COMP: variants seen among roughly 807,000 people sequenced by gnomAD.
The protein encoded by COMP is cartilage oligomeric matrix protein.
A neutral mutation model predicts 95.8 loss-of-function variants in COMP; 79 were observed. The observed-to-expected ratio is 0.82, with a 90% CI of 0.69 to 0.99. The LOEUF is 0.99. Among genes scored for constraint, COMP ranks in the 50% least tolerant of loss-of-function variants. The pLI is 0.00. For missense variants in COMP, 906 were observed against 1,076.1 expected, an observed-to-expected ratio of 0.84 and a Z score of 2.21; for synonymous variants, 438 against 433.9, an observed-to-expected ratio of 1.01 and a Z score of -0.12.
chr19:18,789,595 G>A lies in COMP; in HGVS notation c.391-298C>T, dbSNP rs2055195804. 6.6e-6 allele frequency among the ~76,000 whole-genome samples: 1 copy of A among 151,826 alleles called. No homozygotes were observed. Among genetic ancestry groups the A allele is most frequent in the Non-Finnish European group, 1.5e-5 (1 of 67,958 alleles). ...GCGTGCGTGCCCGGCGGTGGCGGGG[G>A]GTCTGGGCGTGCGTTCCCTGGCTGT... On this transcript the variant is annotated intron_variant, in intron 4 of 18. Transcript: ENST00000222271. The surrounding 1 kb of genome is among the most constrained non-coding windows in gnomAD (Gnocchi z 6.1).
rs546526509 is a variant in COMP, at chr19:18,787,654, G to A, written c.976-4C>T. 1.2e-6 allele frequency: 2 copies of A among 1,613,634 alleles called. No homozygotes were observed. The highest frequency in any genetic ancestry group is 2.2e-5 in the East Asian group (1 of 44,870). ...TCCGCACCAGCGGGCAGTTGTCCTGGATGACAGGGTGGGTTAAGGGTGAGA... is the reference window on the plus strand; with the variant it reads ...TCCGCACCAGCGGGCAGTTGTCCTGAATGACAGGGTGGGTTAAGGGTGAGA... On this transcript the variant is annotated splice_region_variant and splice_polypyrimidine_tract_variant and intron_variant, in intron 9 of 18. Transcript: ENST00000222271.
intron 15 of COMP, 140 bp from the exon 16 acceptor site, chr19:18,785,232 AGCCACGCCCCCCATCTACCATTG>A: frequency 1.0e-6 from 1 of 953,958 alleles, no homozygotes; most frequent in East Asian, 2.6e-5. Context: ...GCCCGGACTC[AGCCACGCCCCCCATCTACCATTG>A]GCCACGCCCC....
rs2055194649 is a variant in COMP, at chr19:18,789,501, TC to T, written c.391-205del. 6.6e-6 allele frequency among the ~76,000 whole-genome samples: 1 copy of T among 151,548 alleles called. No individual in the cohort carries two copies. Among genetic ancestry groups the T allele is most frequent in the African/African-American group, 2.4e-5 (1 of 41,192 alleles). On this transcript the variant is annotated intron_variant, in intron 4 of 18. Transcript: ENST00000222271. The surrounding 1 kb of genome is among the most constrained non-coding windows in gnomAD (Gnocchi z 6.1). The stretch of plus-strand genomic sequence containing the variant: ...AACCGGGAGAGGAGAGGAGAGCTGT[TC>T]CCTCATGGGCGAGGGGAGGAAGGAT...
In COMP at chr19:18,782,904, C is replaced by T. The variant is rs775030797; in HGVS notation, c.*11G>A. 4 of 1,610,766 alleles carry T rather than the reference C, an allele frequency of 2.5e-6. No homozygotes were observed. The highest frequency in any genetic ancestry group is 1.3e-5 in the African/African-American group (1 of 74,886). ...GGGTGGCTGTCATCCGGCGGGTCCTCACCCTGGTCCCTAGGCTTGCCGCAG... is the reference window on the plus strand; with the variant it reads ...GGGTGGCTGTCATCCGGCGGGTCCTTACCCTGGTCCCTAGGCTTGCCGCAG... On this transcript the variant is annotated 3_prime_UTR_variant, in exon 19 of 19. Coordinates refer to ENST00000222271, the MANE Select transcript of COMP (RefSeq NM_000095.3).
Position 18,785,425 on chromosome 19 carries a change from G to C in COMP, c.1717+73C>G, listed in dbSNP as rs574375960. On this transcript the variant is annotated intron_variant, in intron 15 of 18. Coordinates refer to ENST00000222271, the MANE Select transcript of COMP (RefSeq NM_000095.3). ...TTCTGGCCCCGCCCATTCTCAGCCC[G>C]GGCCTGCCCCTTCTCTGGCCCCTCT... 8.8e-6 allele frequency: 12 copies of C among 1,366,772 alleles called. No homozygotes were observed. In the South Asian group the frequency reaches 1.4e-4, roughly 16 times the overall value. 84.7% of individuals were successfully genotyped at this position (1,366,772 alleles called of 1,614,324 possible).
chr19:18,785,547 C>T lies in COMP; in HGVS notation c.1669-1G>A. The T allele has an allele frequency of 6.2e-7, 1 of 1,614,076 alleles. No homozygotes were observed. Among genetic ancestry groups the T allele is most frequent in the South Asian group, 1.1e-5 (1 of 91,082 alleles). ...TCATTGTCTGCACGATCTCCCTTCC[C>T]TGATGGGGTCAAAGAAAGGAGGGCC... On this transcript the variant is annotated splice_acceptor_variant, in intron 14 of 18. Coordinates refer to ENST00000222271, the MANE Select transcript of COMP (RefSeq NM_000095.3). LOFTEE classifies it high-confidence loss of function.
chr19:18,790,057 G>A lies in COMP; in HGVS notation c.275C>T (p.Ala92Val), dbSNP rs752108052. The A allele has an allele frequency of 1.3e-6, 2 of 1,555,550 alleles. No individual in the cohort carries two copies. The highest frequency in any genetic ancestry group is 8.7e-7 in the Non-Finnish European group (1 of 1,155,780). ...LPSVRPLLHC[A>V]PGFCFPGVAC... ...CACGCCGGGGAAGCAGAAGCCGGGC[G>A]CGCAGTGGAGCAGGGGCCGCACGCT... The change falls in exon 4 of 19, where the codon GCG becomes GTG. Residue 92 changes from alanine to valine, a missense_variant. Ala to Val is a moderately conservative substitution (Grantham distance 64, BLOSUM62 0). Coordinates refer to ENST00000222271, the MANE Select transcript of COMP (RefSeq NM_000095.3).
In COMP at chr19:18,784,409, G is replaced by A. The variant is rs762976780; in HGVS notation, c.1915-46C>T. 1.9e-6 allele frequency: 3 copies of A among 1,609,438 alleles called. No individual in the cohort carries two copies. Among genetic ancestry groups the A allele is most frequent in the Admixed American group, 3.3e-5 (2 of 59,956 alleles). On this transcript the variant is annotated intron_variant, in intron 16 of 18. Transcript: ENST00000222271. The surrounding 1 kb of genome is among the most constrained non-coding windows in gnomAD (Gnocchi z 4.9). ...TGGTCAGAGACCTCGTGGGCCACCGGAGCCCCCCTAGACACCTTCCTGGAG... is the reference window on the plus strand; with the variant it reads ...TGGTCAGAGACCTCGTGGGCCACCGAAGCCCCCCTAGACACCTTCCTGGAG...
chr19:18,790,828 G>GC lies in COMP; in HGVS notation c.165+21dup, dbSNP rs1011411209. ...CCCCTTCCGTTCCCTGGCACTCCCT[G>GC]CCCCGCACCCGGGCCCCGCACCTGC... On this transcript the variant is annotated intron_variant, in intron 2 of 18. Transcript: ENST00000222271. The GC allele has an allele frequency of 3.2e-6, 5 of 1,554,112 alleles. No individual in the cohort carries two copies. The Admixed American group carries it at 7.7e-5, about 24-fold the overall frequency.
At chr19:18,785,174 C>G (rs2055155864) in intron 15 of COMP, 82 bp from the exon 16 acceptor site, 1 of 1,359,698 alleles carries the variant, frequency 7.4e-7, no homozygotes, top group Non-Finnish European at 1.0e-6. Flanking sequence ...CAAACCTGCC[C>G]CCTGGGTCCC....
At chr19:18,786,762 G>GTTT (rs1264257065) in intron 10 of COMP, 112 bp from the exon 11 acceptor site, 13 of 289,900 alleles carry the variant, frequency 4.5e-5, no homozygotes, top group African/African-American at 4.1e-4. Flanking sequence ...CTTCATGGAA[G>GTTT]CTTTTTTTTT....
chr19:18,782,775 C>T lies in COMP; in HGVS notation c.*140G>A, dbSNP rs2055132719. On this transcript the variant is annotated 3_prime_UTR_variant, in exon 19 of 19. Transcript: ENST00000222271. ...GCAGCAAAAACCACAGCCGCCACTC[C>T]CTGCACACACACTTTATTTTGTCCT... The T allele has an allele frequency of 4.0e-6, 4 of 995,156 alleles. No individual in the cohort carries two copies. Among genetic ancestry groups the T allele is most frequent in the Non-Finnish European group, 6.1e-6 (4 of 656,282 alleles). 61.6% of individuals were successfully genotyped at this position (995,156 alleles called of 1,614,324 possible).
rs769013752 is a variant in COMP, at chr19:18,788,390, C to G, written c.867+20G>C. On this transcript the variant is annotated intron_variant, in intron 8 of 18. Transcript: ENST00000222271. This position sits in a 1 kb window ranked among gnomAD's most constrained non-coding sequence, Gnocchi z 4.7. ...CGCCCTCCCTCCTGCCCAAGCCCGC[C>G]CCGCTCCGCCCCCACCCACCTTACG... The G allele has an allele frequency of 8.2e-6, 13 of 1,589,334 alleles. No individual in the cohort carries two copies. The African/African-American group carries it at 1.7e-4, about 21-fold the overall frequency.
rs369897902 is a variant in COMP, at chr19:18,788,509, G to T, written c.768C>A (p.Ala256=). 3.7e-6 allele frequency: 6 copies of T among 1,602,202 alleles called. No individual in the cohort carries two copies. The East Asian group carries it at 1.4e-4, about 36-fold the overall frequency. The change falls in exon 8 of 19, where the codon GCC becomes GCA. Residue 256 remains alanine (A), a synonymous_variant. Transcript: ENST00000222271. The surrounding 1 kb of genome is among the most constrained non-coding windows in gnomAD (Gnocchi z 4.7). ...GGATCCCGTTGCCGGCCCAGCCAACGGCACACTGTGGGAGAGTGTAAGTGG... is the reference window on the plus strand; with the variant it reads ...GGATCCCGTTGCCGGCCCAGCCAACTGCACACTGTGGGAGAGTGTAAGTGG... ...ERDGSRSCVC[A]VGWAGNGILC...
rs1453867780 is a variant in COMP, at chr19:18,789,706, C to T, written c.390+236G>A. On this transcript the variant is annotated intron_variant, in intron 4 of 18. Transcript: ENST00000222271. This position sits in a 1 kb window ranked among gnomAD's most constrained non-coding sequence, Gnocchi z 6.1. ...CCTGGCGGTGAGGGAGTCGTCGGGG[C>T]GGGCGTCACTAGCTATGTAGGGGGT... is the stretch of plus-strand genomic sequence containing the variant. Among the ~76,000 whole-genome samples, 1 of 145,978 alleles carries T rather than the reference C, an allele frequency of 6.9e-6. No homozygotes were observed. The highest frequency in any genetic ancestry group is 2.6e-5 in the African/African-American group (1 of 38,696).
chr19:18,784,239 T>C lies in COMP; in HGVS notation c.2039A>G (p.Lys680Arg). ...DPRNVGWKDK[K>R]SYRWFLQHRP... The stretch of plus-strand genomic sequence containing the variant: ...GTGCTGCAGGAACCAACGATAGGAC[T>C]TCTTGTCCTTCCAACCCACGTTTCG... The change falls in exon 17 of 19, where the codon AAG (lysine) becomes AGG (arginine). Residue 680 changes from lysine to arginine, a missense_variant. By Grantham distance (26) the Lys-to-Arg change is conservative (BLOSUM62 2). Transcript: ENST00000222271. This position sits in a 1 kb window ranked among gnomAD's most constrained non-coding sequence, Gnocchi z 4.9. The C allele has an allele frequency of 1.2e-6, 2 of 1,614,060 alleles. No individual in the cohort carries two copies. The highest frequency in any genetic ancestry group is 1.7e-6 in the Non-Finnish European group (2 of 1,180,016).
chr19:18,790,897 C>T lies in COMP; in HGVS notation c.118G>A (p.Glu40Lys), dbSNP rs773766773. 1 of 1,571,092 alleles carries T rather than the reference C, an allele frequency of 6.4e-7. No individual in the cohort carries two copies. Among genetic ancestry groups the T allele is most frequent in the South Asian group, 1.2e-5 (1 of 86,270 alleles). Residue 40 changes from glutamate to lysine, a missense_variant, in exon 2 of 19, where the codon GAA becomes AAA. Physicochemically the swap from Glu to Lys is moderately conservative, Grantham distance 56. Transcript: ENST00000222271. ...LGPQMLRELQ[E>K]TNAALQDVRE... The stretch of plus-strand genomic sequence containing the variant: ...ACGTCCTGCAGCGCCGCGTTGGTTT[C>T]CTGCAGTTCCCGAAGCATCTGCGGG...
In COMP at chr19:18,783,160, G is replaced by A. The variant is rs142160846; in HGVS notation, c.2121C>T (p.Ala707=). The part of the protein sequence containing the change: ...VRFYEGPELV[A]DSNVVLDTTM... ...TTGTGTCCAAGACCACGTTGCTGTC[G>A]GCCACCAGCTCAGGGCCCTCATAGA... Residue 707 remains alanine (A), a synonymous_variant, in exon 18 of 19, where the codon GCC becomes GCT. Transcript: ENST00000222271. 20 of 1,609,626 alleles carry A rather than the reference G, an allele frequency of 1.2e-5. No individual in the cohort carries two copies. Among genetic ancestry groups the A allele is most frequent in the East Asian group, 6.7e-5 (3 of 44,888 alleles).
chr19:18,790,141 C>T (rs1180932069), intron 3 of COMP, 27 bp from the exon 4 acceptor site: 9 of 1,497,852 alleles, frequency 6.0e-6, no homozygotes, highest in Non-Finnish European at 7.1e-6. Context: ...GGAGAAGCGG[C>T]GGGGCTGATC....
Sources: allele counts gnomAD v4.1 joint callset (sites outside exome capture counted in the v4.1 genomes callset), GRCh38; gene constraint gnomAD v4.1.1; non-coding constraint Gnocchi (gnomAD v3.1); transcripts MANE v1.5; gene names NCBI Gene and HGNC (gene_info 2026-07-23, HGNC 2026-07-21).